SEL1L2: variants seen among roughly 807,000 people sequenced by gnomAD.
SEL1L2 encodes protein sel-1 homolog 2.
Under a neutral mutation model 98.8 loss-of-function variants are expected in SEL1L2, and 89 were observed. That is an observed-to-expected ratio of 0.90 (90% confidence interval 0.76 to 1.07). The LOEUF (loss-of-function observed/expected upper bound fraction) is 1.07. Ranked by LOEUF, SEL1L2 falls within the 50% of genes least tolerant of loss-of-function variation. SEL1L2 has a pLI of 0.00. For missense variants in SEL1L2, 788 were observed against 812.0 expected, an observed-to-expected ratio of 0.97 and a Z score of 0.36; for synonymous variants, 262 against 278.5, an observed-to-expected ratio of 0.94 and a Z score of 0.59.
chr20:13,989,810 C>CT (rs924445573), intron 1 of SEL1L2, among the ~76,000 whole-genome samples: 28 of 151,494 alleles, frequency 1.8e-4, no homozygotes, highest in South Asian at 4.2e-4. Flanking sequence ...CCAAATATTT[C>CT]TTTTTTTTTC....
intron 3 of SEL1L2, among the ~76,000 whole-genome samples, chr20:13,926,054 C>G (rs111901752): frequency 0.011 from 1,722 of 152,328 alleles, 35 homozygotes; most frequent in African/African-American, 0.038. Context: ...AGCCGTGGCT[C>G]ACGCCTGTAA....
chr20:13,850,154 C>T (rs950616189), intron 19 of SEL1L2, 37 bp downstream of exon 19: 4 of 1,611,718 alleles, frequency 2.5e-6, no homozygotes, highest in South Asian at 1.1e-5. Context: ...TCACTGGAGA[C>T]TTTCAGAGAT....
intron 3 of SEL1L2, among the ~76,000 whole-genome samples, chr20:13,924,389 G>T (rs1220554386): frequency 6.7e-6 from 1 of 149,278 alleles, no homozygotes; most frequent in East Asian, 2.0e-4. Context: ...GCCATCCTTT[G>T]ATTTTTAATT....
intron 1 of SEL1L2, among the ~76,000 whole-genome samples, chr20:13,964,198 A>G (rs912565485): frequency 2.0e-5 from 3 of 152,218 alleles, no homozygotes; most frequent in Middle Eastern, 3.4e-3. Context: ...TTTAAATGTC[A>G]TCAATCAAGC....
intron 3 of SEL1L2, among the ~76,000 whole-genome samples, chr20:13,930,710 GA>G (rs1285136374): frequency 6.6e-6 from 1 of 152,144 alleles, no homozygotes; most frequent in African/African-American, 2.4e-5. Context: ...TGGACTCTCA[GA>G]AAAAAACAGA....
rs766144026 is a variant in SEL1L2, at chr20:13,919,061, T to C, written c.346A>G (p.Lys116Glu). 3.1e-6 allele frequency: 5 copies of C among 1,613,830 alleles called. No homozygotes were observed. The highest frequency in any genetic ancestry group is 4.2e-6 in the Non-Finnish European group (5 of 1,179,912). ...TGGCTTTTAGACTGCTGGAGAACCT[T>C]GATGCCCATCTTAAATAGCTGGTCT... ...EGDQLFKMGI[K>E]VLQQSKSQKQ... The change falls in exon 4 of 20, where the codon AAG (lysine) becomes GAG (glutamate). Residue 116 changes from lysine to glutamate, a missense_variant. Physicochemically the swap from Lys to Glu is moderately conservative, Grantham distance 56. Coordinates refer to ENST00000284951, the MANE Select transcript of SEL1L2 (RefSeq NM_025229.2).
At chr20:13,957,094 T>C (rs1337818560) in intron 1 of SEL1L2, among the ~76,000 whole-genome samples, 1 of 151,830 alleles carries the variant, frequency 6.6e-6, no homozygotes, top group Non-Finnish European at 1.5e-5. Context: ...ATTAATTAAT[T>C]AATTTATTTC....
At chr20:13,908,874 C>T (rs1158457319) in intron 5 of SEL1L2, among the ~76,000 whole-genome samples, 2 of 152,174 alleles carry the variant, frequency 1.3e-5, no homozygotes, top group African/African-American at 2.4e-5. Context: ...TCCTTTCCTC[C>T]ATCCAGCTTC....
intron 17 of SEL1L2, among the ~76,000 whole-genome samples, chr20:13,863,096 ATGG>A (rs1990435061): frequency 6.6e-6 from 1 of 152,190 alleles, no homozygotes; most frequent in Admixed American, 6.5e-5. Context: ...ACTTATAAGA[ATGG>A]TGCCCAGAAA....
chr20:13,982,071 T>C (rs970905530), intron 1 of SEL1L2, among the ~76,000 whole-genome samples: 3 of 152,176 alleles, frequency 2.0e-5, no homozygotes, highest in African/African-American at 7.2e-5. Flanking sequence ...CTCTGGTTAC[T>C]GTGAGATTGA....
At chr20:13,885,286 G>T in intron 10 of SEL1L2, 61 bp downstream of exon 10, 2 of 1,085,382 alleles carry the variant, frequency 1.8e-6, no homozygotes, top group Non-Finnish European at 1.4e-6. Context: ...TCACTTCCCT[G>T]CCAGCCTCCC....
At position 13,949,713 on chromosome 20, in the gene SEL1L2, G is replaced by C. The variant is rs6079233; in HGVS notation, c.114+6363C>G. 1.5e-4 allele frequency among the ~76,000 whole-genome samples: 22 copies of C among 151,174 alleles called. No homozygotes were observed. The East Asian group carries it at 3.5e-3, about 24-fold the overall frequency. On this transcript the variant is annotated intron_variant, in intron 2 of 19. Coordinates refer to ENST00000284951, the MANE Select transcript of SEL1L2 (RefSeq NM_025229.2). ...CAAAAAAAACCAAACAAACAAAAAA[G>C]AACAAGTGCTGGAGACATTAGAACA... is the stretch of plus-strand genomic sequence containing the variant.
At chr20:13,925,768 T>C (rs779279303) in intron 3 of SEL1L2, among the ~76,000 whole-genome samples, 1 of 152,272 alleles carries the variant, frequency 6.6e-6, no homozygotes, top group Admixed American at 6.5e-5. Context: ...GTTCTGCCTT[T>C]AAAAACATTT....
chr20:13,992,944 G>A (rs2052570443), upstream of SEL1L2, among the ~76,000 whole-genome samples: 1 of 152,118 alleles, frequency 6.6e-6, no homozygotes, highest in South Asian at 2.1e-4. Flanking sequence ...ACTTCGTAAA[G>A]ACCTAATCTC....
chr20:13,963,845 G>A (rs2050898371), intron 1 of SEL1L2, among the ~76,000 whole-genome samples: 1 of 152,054 alleles, frequency 6.6e-6, no homozygotes, highest in Non-Finnish European at 1.5e-5. Context: ...GAATACAAAC[G>A]GCAGTCCACC....
chr20:13,946,266 G>A (rs1184598317), intron 2 of SEL1L2, among the ~76,000 whole-genome samples: 1 of 152,040 alleles, frequency 6.6e-6, no homozygotes, highest in African/African-American at 2.4e-5. Context: ...CAAAAAAACT[G>A]CTACATATAA....
intron 1 of SEL1L2, among the ~76,000 whole-genome samples, chr20:13,979,603 T>C (rs1455566811): frequency 2.0e-5 from 3 of 152,182 alleles, no homozygotes; most frequent in Non-Finnish European, 2.9e-5. Context: ...TATAACTTTA[T>C]TTTCCTGAAA....
In SEL1L2 at chr20:13,873,900, G is replaced by A. The variant is rs114146872; in HGVS notation, c.1104+2138C>T. 5.1e-3 allele frequency among the ~76,000 whole-genome samples: 772 copies of A among 152,232 alleles called. 8 individuals carry two copies. Among genetic ancestry groups the A allele is most frequent in the African/African-American group, 0.017 (721 of 41,530 alleles). On this transcript the variant is annotated intron_variant, in intron 12 of 19. Coordinates refer to ENST00000284951, the MANE Select transcript of SEL1L2 (RefSeq NM_025229.2). ...TCTAGTTGAGGACACATGGCCTTTG[G>A]ACAGGAGGGGAGAAGCCACAGGTAG...
chr20:13,963,056 A>T (rs1236833040), intron 1 of SEL1L2, among the ~76,000 whole-genome samples: 2 of 93,370 alleles, frequency 2.1e-5, no homozygotes, highest in African/African-American at 3.2e-5. Flanking sequence ...GCAGAGCAAG[A>T]CTCCATCTCA....
Sources: gnomAD v4.1 joint callset for allele counts (sites outside exome capture counted in the v4.1 genomes callset) on GRCh38, gnomAD v4.1.1 for gene constraint, MANE v1.5 for transcripts, NCBI Gene and HGNC (gene_info 2026-07-23, HGNC 2026-07-21) for gene names.